The following RAPGEF6 variants were observed in gnomAD, a reference collection of about 807,000 sequenced individuals.
The protein encoded by RAPGEF6 is PDZ domain containing guanine nucleotide exchange factor (GEF) 2.
In RAPGEF6, 56 loss-of-function variants were observed where a neutral mutation model predicts 171.4. That is an observed-to-expected ratio of 0.33 (90% CI 0.26 to 0.41). The LOEUF is 0.41. Among genes scored for constraint, RAPGEF6 ranks in the 10% least tolerant of loss-of-function variants. The pLI is 1.00. For synonymous variants in RAPGEF6, 692 were observed against 650.1 expected (o/e 1.06, Z -0.98); for missense variants, 1,674 against 1,921.4 (o/e 0.87, Z 2.41).
intron 7 of RAPGEF6, among the ~76,000 whole-genome samples, chr5:131,512,481 C>T (rs1042044120): frequency 1.3e-5 from 2 of 151,982 alleles, no homozygotes; most frequent in East Asian, 3.9e-4. Flanking sequence ...GGACCACAGG[C>T]ACTGGCCTTT....
At chr5:131,477,489 G>A (rs947694910) in intron 16 of RAPGEF6, among the ~76,000 whole-genome samples, 8 of 151,998 alleles carry the variant, frequency 5.3e-5, no homozygotes, top group African/African-American at 1.5e-4. Flanking sequence ...TCTTTTTTGG[G>A]TACCAATATA....
intron 16 of RAPGEF6, among the ~76,000 whole-genome samples, chr5:131,479,105 T>A (rs1314742025): frequency 1.3e-5 from 2 of 151,940 alleles, no homozygotes; most frequent in Non-Finnish European, 2.9e-5. Context: ...GAAATAGGTC[T>A]GATTAAAAAG....
chr5:131,479,660 A>G lies in RAPGEF6; in HGVS notation c.1934T>C (p.Ile645Thr). 4.3e-6 allele frequency: 7 copies of G among 1,614,032 alleles called. No individual in the cohort carries two copies. The highest frequency in any genetic ancestry group is 5.9e-6 in the Non-Finnish European group (7 of 1,179,994). ...TTCAATATCTCCTGGCACATGCTGG[A>G]TAGAATGGCGATTACTTTTTTTTTC... ...IAEKKSNRHSIQHVPGDIEQT... is the reference protein window; with the variant it reads ...IAEKKSNRHSTQHVPGDIEQT... The change falls in exon 16 of 28, where the codon ATC becomes ACC. Residue 645 changes from isoleucine to threonine, a missense_variant. By Grantham distance (89) the Ile-to-Thr change is moderately conservative. Around this residue, in one of 3 missense-constraint regions of RAPGEF6, gnomAD observed 1,116 missense variants for 1,321.5 expected, o/e 0.84. Transcript: ENST00000509018.
At chr5:131,495,801 C>G (rs1415853740) in intron 12 of RAPGEF6, 141 bp from the exon 13 acceptor site, 14 of 1,279,880 alleles carry the variant, frequency 1.1e-5, no homozygotes, top group Middle Eastern at 2.5e-4. Context: ...CTCATTCTAA[C>G]AGAAAGGCAT....
chr5:131,487,550 T>G (rs190456130), intron 15 of RAPGEF6, among the ~76,000 whole-genome samples: 62 of 152,266 alleles, frequency 4.1e-4, no homozygotes, highest in African/African-American at 1.5e-3. Context: ...TGATTGTGCA[T>G]TTACAATCCT....
In RAPGEF6 at chr5:131,430,954, C is replaced by T. The variant is rs770583423; in HGVS notation, c.4370G>A (p.Ser1457Asn). The T allele has an allele frequency of 6.2e-7, 1 of 1,614,098 alleles. No individual in the cohort carries two copies. Among genetic ancestry groups the T allele is most frequent in the Non-Finnish European group, 8.5e-7 (1 of 1,180,012 alleles). ...YGTVKQRVLESTPAESSEGLD... is the reference protein window; with the variant it reads ...YGTVKQRVLENTPAESSEGLD... ...GCCTTCAGATGACTCAGCTGGGGTG[C>T]TCTCCAATACTCTCTGTTTAACTGT... is the stretch of plus-strand genomic sequence containing the variant. The change falls in exon 26 of 28, where the codon AGC becomes AAC. Residue 1457 changes from serine (S) to asparagine (N), a missense_variant. Physicochemically the swap from Ser to Asn is conservative, Grantham distance 46. Coordinates refer to ENST00000509018, the MANE Select transcript of RAPGEF6 (RefSeq NM_016340.6).
chr5:131,521,190 T>C (rs944502798), intron 7 of RAPGEF6, among the ~76,000 whole-genome samples, 200 bp downstream of exon 7: 8 of 152,206 alleles, frequency 5.3e-5, no homozygotes, highest in African/African-American at 1.9e-4. Context: ...TGCTGAACCA[T>C]ACTTAATCAT....
intron 3 of RAPGEF6, among the ~76,000 whole-genome samples, chr5:131,600,313 C>T (rs563139354): frequency 2.6e-5 from 4 of 152,092 alleles, no homozygotes; most frequent in South Asian, 2.1e-4. Flanking sequence ...CCTGAGGTCA[C>T]GAGTTCAAGA....
intron 4 of RAPGEF6, among the ~76,000 whole-genome samples, chr5:131,579,401 T>C (rs1051224506): frequency 1.3e-5 from 2 of 152,258 alleles, no homozygotes; most frequent in African/African-American, 4.8e-5. Flanking sequence ...TATTCCCTTA[T>C]CTGGCCCCAC....
chr5:131,486,726 ATTT>A (rs5871425), intron 15 of RAPGEF6, among the ~76,000 whole-genome samples: 5 of 127,264 alleles, frequency 3.9e-5, no homozygotes, highest in African/African-American at 3.0e-5. Context: ...CAAGGGATAA[ATTT>A]TTTTTTTTTT....
At chr5:131,510,250 G>A in intron 8 of RAPGEF6, 64 bp downstream of exon 8, 1 of 1,413,268 alleles carries the variant, frequency 7.1e-7, no homozygotes, top group Non-Finnish European at 9.6e-7. Context: ...AATTTGTTAT[G>A]CAGAAATAGG....
intron 1 of RAPGEF6, among the ~76,000 whole-genome samples, chr5:131,634,221 T>C (rs1025284274): frequency 2.6e-5 from 4 of 152,258 alleles, no homozygotes; most frequent in Admixed American, 1.3e-4. Flanking sequence ...CCACTTGTTA[T>C]AGAAACCTCC....
chr5:131,574,916 G>C (rs1357411609), intron 4 of RAPGEF6, among the ~76,000 whole-genome samples: 1 of 152,104 alleles, frequency 6.6e-6, no homozygotes, highest in Admixed American at 6.5e-5. Flanking sequence ...ACCTGTTACA[G>C]CATGGCCTTT....
In RAPGEF6 at chr5:131,464,149, T is replaced by G. The variant is rs1362636784; in HGVS notation, c.2372A>C (p.Asp791Ala). The change falls in exon 18 of 28, where the codon GAC becomes GCC. Residue 791 changes from aspartate to alanine, a missense_variant. By Grantham distance (126) the Asp-to-Ala change is moderately radical. Coordinates refer to ENST00000509018, the MANE Select transcript of RAPGEF6 (RefSeq NM_016340.6). ...AGAAACTTCACAGAGAGAATATGTG[T>G]CGGATGCACCGGTCAAACCAAATTC... ...VHEFGLTGAS[D>A]TYSLCEVSVT... The G allele has an allele frequency of 6.2e-7, 1 of 1,613,910 alleles. No homozygotes were observed. The highest frequency in any genetic ancestry group is 1.3e-5 in the African/African-American group (1 of 74,912).
chr5:131,443,829 GA>G (rs1193003449), intron 22 of RAPGEF6, among the ~76,000 whole-genome samples: 9 of 152,192 alleles, frequency 5.9e-5, no homozygotes, highest in Non-Finnish European at 1.0e-4. Context: ...ACTGAAAACA[GA>G]TGCTTAATGG....
chr5:131,633,201 G>A (rs897251872), intron 1 of RAPGEF6, among the ~76,000 whole-genome samples: 2 of 152,110 alleles, frequency 1.3e-5, no homozygotes, highest in South Asian at 2.1e-4. Flanking sequence ...GCATAGTGGC[G>A]TGTGCCTGTA....
intron 1 of RAPGEF6, among the ~76,000 whole-genome samples, chr5:131,615,076 C>T (rs1765181348): frequency 6.6e-6 from 1 of 152,142 alleles, no homozygotes; most frequent in African/African-American, 2.4e-5. Context: ...TTTAATAGGT[C>T]CTACAGGTGA....
intron 3 of RAPGEF6, among the ~76,000 whole-genome samples, chr5:131,600,601 G>C (rs1206328629): frequency 6.8e-6 from 1 of 147,618 alleles, no homozygotes; most frequent in Non-Finnish European, 1.5e-5. Flanking sequence ...GGAGGGGAAG[G>C]GAGGGGAGAG....
intron 5 of RAPGEF6, among the ~76,000 whole-genome samples, chr5:131,556,513 T>TA (rs1349794161): frequency 2.0e-5 from 3 of 152,220 alleles, no homozygotes; most frequent in African/African-American, 7.2e-5. Flanking sequence ...AATGTACAGT[T>TA]AAAATACTGT....
Sources: allele counts gnomAD v4.1 joint callset (sites outside exome capture counted in the v4.1 genomes callset), GRCh38; gene constraint gnomAD v4.1.1; regional missense constraint gnomAD v4.1.1; transcripts MANE v1.5; gene names NCBI Gene and HGNC (gene_info 2026-07-23, HGNC 2026-07-21).